The following WDR48 variants were observed in gnomAD, a reference collection of about 807,000 sequenced individuals.
The protein encoded by WDR48 is WD repeat-containing protein 48.
A neutral mutation model predicts 94.0 loss-of-function variants in WDR48; 22 were observed. That is an observed-to-expected ratio of 0.23 (90% confidence interval 0.17 to 0.33). The LOEUF is 0.33. WDR48 is among the 10% of genes least tolerant of loss of function. The pLI is 1.00. For missense variants in WDR48, 541 were observed against 813.8 expected (o/e 0.66, Z 4.08); for synonymous variants, 278 against 280.5 (o/e 0.99, Z 0.09).
At chr3:39,071,624 A>G (rs1337003281) in intron 7 of WDR48, among the ~76,000 whole-genome samples, 1 of 152,248 alleles carries the variant, frequency 6.6e-6, no homozygotes, top group African/African-American at 2.4e-5. Flanking sequence ...AGTCAGCTAC[A>G]GTCATTGTAA....
At chr3:39,087,230 G>A (rs1396320977) in intron 14 of WDR48, among the ~76,000 whole-genome samples, 1 of 152,220 alleles carries the variant, frequency 6.6e-6, no homozygotes, top group East Asian at 1.9e-4. Context: ...CCTGTGCTGG[G>A]TCAAAAGTTT....
chr3:39,078,691 T>A (rs2034360740), intron 10 of WDR48, among the ~76,000 whole-genome samples: 1 of 151,618 alleles, frequency 6.6e-6, no homozygotes, highest in African/African-American at 2.4e-5. Flanking sequence ...AGTACTGGGA[T>A]TACGGGCGTG....
intron 10 of WDR48, among the ~76,000 whole-genome samples, chr3:39,079,332 A>G (rs895733710): frequency 1.3e-4 from 20 of 152,362 alleles, no homozygotes; most frequent in Admixed American, 1.0e-3. Flanking sequence ...TTCAGGAAGC[A>G]AAAGATGGGA....
In WDR48 at chr3:39,075,081, T is replaced by A. The variant is rs2034143635; in HGVS notation, c.897+131T>A. ...GGGGGAAGGTTTGTAAAAAAGATATTCCATCATGAGCAGAACTTGACAGGG... is the reference window on the plus strand; with the variant it reads ...GGGGGAAGGTTTGTAAAAAAGATATACCATCATGAGCAGAACTTGACAGGG... On this transcript the variant is annotated intron_variant, in intron 8 of 18. Coordinates refer to ENST00000302313, the MANE Select transcript of WDR48 (RefSeq NM_020839.4). 5.7e-6 allele frequency: 5 copies of A among 876,716 alleles called. No homozygotes were observed. The East Asian group carries it at 1.1e-4, about 19-fold the overall frequency. 54.3% of individuals were successfully genotyped at this position (876,716 alleles called of 1,614,324 possible).
chr3:39,092,681 C>G (rs1339215665), intron 17 of WDR48, among the ~76,000 whole-genome samples: 1 of 152,058 alleles, frequency 6.6e-6, no homozygotes, highest in East Asian at 1.9e-4. Flanking sequence ...GGATGCTAAA[C>G]TATGAACAAT....
rs532972737 is a variant in WDR48 at position 39,067,721 on chromosome 3, A to G, written c.481+846A>G. On this transcript the variant is annotated intron_variant, in intron 5 of 18. Coordinates refer to ENST00000302313, the MANE Select transcript of WDR48 (RefSeq NM_020839.4). Reference sequence around the variant, plus strand: ...GTGGAGTGTTCACATTGACATAGACAATACAGTTTTACTAATATAGCCTAG... The same window carrying G: ...GTGGAGTGTTCACATTGACATAGACGATACAGTTTTACTAATATAGCCTAG... Among the ~76,000 whole-genome samples, 19 of 152,330 alleles carry G rather than the reference A, an allele frequency of 1.2e-4. 1 individual carries two copies. The South Asian group carries it at 3.9e-3, about 32-fold the overall frequency.
intron 8 of WDR48, 108 bp from the exon 9 acceptor site, chr3:39,077,031 G>A: frequency 8.0e-7 from 1 of 1,242,672 alleles, no homozygotes; most frequent in Non-Finnish European, 1.2e-6. Flanking sequence ...CCCAGGTATA[G>A]TCACCACAAT....
chr3:39,063,585 T>G (rs547065804), intron 2 of WDR48, among the ~76,000 whole-genome samples: 1 of 152,242 alleles, frequency 6.6e-6, no homozygotes, highest in Admixed American at 6.5e-5. Context: ...CTTGAAAAAA[T>G]ATTTTATTTT....
chr3:39,069,523 G>A, intron 6 of WDR48, 120 bp from the exon 7 acceptor site: 1 of 826,292 alleles, frequency 1.2e-6, no homozygotes, highest in Non-Finnish European at 1.9e-6. Context: ...GTGTCCATTG[G>A]CAGAAGTGGT....
Position 39,084,757 on chromosome 3 carries a change from CT to C in WDR48, c.1378+18del. 1 of 1,606,298 alleles carries C rather than the reference CT, an allele frequency of 6.2e-7. No individual in the cohort carries two copies. The highest frequency in any genetic ancestry group is 8.5e-7 in the Non-Finnish European group (1 of 1,175,466). Reference sequence around the variant, plus strand: ...GATCCAAAATGTGAGTTTAAGTGTCCTTCATTTTTTTCCTCCCTTCTAAAGA... The same window carrying C: ...GATCCAAAATGTGAGTTTAAGTGTCCTCATTTTTTTCCTCCCTTCTAAAGA... On this transcript the variant is annotated intron_variant, in intron 13 of 18. Coordinates refer to ENST00000302313, the MANE Select transcript of WDR48 (RefSeq NM_020839.4).
At chr3:39,060,050 G>T (rs960517928) in intron 1 of WDR48, among the ~76,000 whole-genome samples, 3 of 151,922 alleles carry the variant, frequency 2.0e-5, no homozygotes, top group Non-Finnish European at 4.4e-5. Context: ...GTTACTTTTT[G>T]ACATTCAGAA....
chr3:39,064,092 C>G (rs72859509), intron 2 of WDR48, among the ~76,000 whole-genome samples: 3,943 of 151,972 alleles, frequency 0.026, 170 homozygotes, highest in African/African-American at 0.088. Context: ...GGTAACGAGC[C>G]CTTTTAGTAT....
rs757760474 is a variant in WDR48, at chr3:39,063,241, T to G, written c.189+51T>G. On this transcript the variant is annotated intron_variant, in intron 2 of 18. Transcript: ENST00000302313. ...CCAGCAAATTCTGGACAAATGGCTTTTACTGTCTAATATGACACTTTTCAC... is the reference window on the plus strand; with the variant it reads ...CCAGCAAATTCTGGACAAATGGCTTGTACTGTCTAATATGACACTTTTCAC... 3.8e-6 allele frequency: 6 copies of G among 1,599,944 alleles called. No individual in the cohort carries two copies. In the African/African-American group the frequency reaches 4.0e-5, roughly 11 times the overall value.
chr3:39,070,362 T>G (rs1270084093), intron 7 of WDR48, among the ~76,000 whole-genome samples: 1 of 152,236 alleles, frequency 6.6e-6, no homozygotes. Context: ...CCATGTACCC[T>G]TGACTCAGCC....
At chr3:39,085,427 A>T in intron 13 of WDR48, 88 bp from the exon 14 acceptor site, 1 of 1,068,806 alleles carries the variant, frequency 9.4e-7, no homozygotes, top group Non-Finnish European at 1.4e-6. Context: ...CAGAATATGT[A>T]CAAACTTACA....
chr3:39,074,425 C>T (rs908815290), intron 7 of WDR48, among the ~76,000 whole-genome samples: 7 of 152,106 alleles, frequency 4.6e-5, no homozygotes, highest in African/African-American at 9.7e-5. Context: ...ACAGAACAAC[C>T]GTAACTACTT....
intron 17 of WDR48, 135 bp from the exon 18 acceptor site, chr3:39,093,739 G>T: frequency 9.9e-7 from 1 of 1,012,206 alleles, no homozygotes; most frequent in Non-Finnish European, 1.4e-6. Context: ...TCTAAAAATG[G>T]ATTAAGGTAA....
At chr3:39,069,009 A>G in intron 6 of WDR48, 150 bp downstream of exon 6, 3 of 578,772 alleles carry the variant, frequency 5.2e-6, no homozygotes, top group South Asian at 2.8e-5. Context: ...GTTGGGGTGC[A>G]GTGGCATCAT....
intron 1 of WDR48, among the ~76,000 whole-genome samples, chr3:39,061,266 C>T (rs1326975937): frequency 3.0e-5 from 4 of 131,776 alleles, no homozygotes; most frequent in Non-Finnish European, 6.4e-5. Context: ...TACCCCCCAA[C>T]ATGCCCCAGT....
Sources: allele counts gnomAD v4.1 joint callset (sites outside exome capture counted in the v4.1 genomes callset), GRCh38; gene constraint gnomAD v4.1.1; transcripts MANE v1.5; gene names NCBI Gene and HGNC (gene_info 2026-07-23, HGNC 2026-07-21).